Variants in LINGO2 observed in about 807,000 individuals in gnomAD.
The protein encoded by LINGO2 is leucine rich repeat and Ig domain containing 2.
A neutral mutation model predicts 30.6 loss-of-function variants in LINGO2; 14 were observed. The observed-to-expected ratio is 0.46, with a 90% CI of 0.30 to 0.72. The LOEUF is 0.72. Ranked by LOEUF, LINGO2 falls within the 30% of genes least tolerant of loss-of-function variation. The pLI is 0.07. For missense variants in LINGO2, 729 were observed against 751.7 expected, an observed-to-expected ratio of 0.97 and a Z score of 0.35; for synonymous variants, 317 against 288.5, an observed-to-expected ratio of 1.10 and a Z score of -1.00.
chr9:28,237,844 A>G (rs550833374), intron 4 of LINGO2, among the ~76,000 whole-genome samples: 23 of 152,184 alleles, frequency 1.5e-4, no homozygotes, highest in Admixed American at 7.2e-4. Context: ...ACAGAGTGAG[A>G]CTCTGTCAAA....
chr9:29,179,851 T>C, the LINGO2 span, among the ~76,000 whole-genome samples: 1 of 152,206 alleles, frequency 6.6e-6, no homozygotes, highest in Non-Finnish European at 1.5e-5. Flanking sequence ...AGTTGGCCCT[T>C]GGCAAAACTC....
At chr9:29,117,146 C>T in the LINGO2 span, among the ~76,000 whole-genome samples, 2 of 152,090 alleles carry the variant, frequency 1.3e-5, no homozygotes, top group African/African-American at 2.4e-5. Flanking sequence ...TCTCTGGAAG[C>T]ATTTTGTAAT....
the LINGO2 span, among the ~76,000 whole-genome samples, chr9:28,932,497 T>C: frequency 6.6e-6 from 1 of 152,220 alleles, no homozygotes; most frequent in Non-Finnish European, 1.5e-5. Flanking sequence ...TAAGACACTA[T>C]GCTAAGCGTG....
At chr9:28,450,780 T>A (rs560927878) in intron 2 of LINGO2, among the ~76,000 whole-genome samples, 24 of 152,188 alleles carry the variant, frequency 1.6e-4, no homozygotes, top group Non-Finnish European at 2.8e-4. Context: ...CATGACTTTT[T>A]AAATGTATAT....
At chr9:29,084,308 A>C in the LINGO2 span, among the ~76,000 whole-genome samples, 1 of 152,114 alleles carries the variant, frequency 6.6e-6, no homozygotes, top group Non-Finnish European at 1.5e-5. Flanking sequence ...AAAAAGAGTA[A>C]GGATATTTTG....
chr9:28,783,015 A>T, the LINGO2 span, among the ~76,000 whole-genome samples: 1 of 152,222 alleles, frequency 6.6e-6, no homozygotes, highest in Non-Finnish European at 1.5e-5. Flanking sequence ...GTATCTATAC[A>T]TATCTAAATG....
At chr9:28,651,519 C>T (rs1828101586) in intron 1 of LINGO2, among the ~76,000 whole-genome samples, 2 of 152,068 alleles carry the variant, frequency 1.3e-5, no homozygotes, top group Admixed American at 6.6e-5. Context: ...GGAAGCCAGC[C>T]ACCATGTCCA....
intron 4 of LINGO2, among the ~76,000 whole-genome samples, chr9:28,090,107 C>G (rs970463557): frequency 6.6e-6 from 1 of 151,966 alleles, no homozygotes; most frequent in Non-Finnish European, 1.5e-5. Flanking sequence ...GGACCAGATG[C>G]ATTCACAGCC....
chr9:28,467,478 ATTC>A (rs1438148262), intron 2 of LINGO2, among the ~76,000 whole-genome samples: 1 of 152,180 alleles, frequency 6.6e-6, no homozygotes, highest in Non-Finnish European at 1.5e-5. Flanking sequence ...AGTCATTGGA[ATTC>A]TTCTTTGTTA....
the LINGO2 span, among the ~76,000 whole-genome samples, chr9:28,848,281 C>T: frequency 2.3e-5 from 2 of 87,382 alleles, no homozygotes; most frequent in African/African-American, 1.3e-4. Context: ...ACTATATATA[C>T]ACTATGCATA....
Position 28,107,178 on chromosome 9 carries a change from T to C in LINGO2, c.-86-94773A>G, listed in dbSNP as rs193222117. 1.4e-3 allele frequency among the ~76,000 whole-genome samples: 214 copies of C among 152,274 alleles called. 3 individuals carry two copies. The highest frequency in any genetic ancestry group is 0.012 in the Admixed American group (182 of 15,286). On this transcript the variant is annotated intron_variant, in intron 4 of 5. Coordinates refer to ENST00000379992, the Ensembl canonical transcript of LINGO2. ...TCTCTTGCACAACATTTAACAGAAGTATGTCTTTAGATTTATTTTGTATGA... is the reference window on the plus strand; with the variant it reads ...TCTCTTGCACAACATTTAACAGAAGCATGTCTTTAGATTTATTTTGTATGA...
intron 4 of LINGO2, among the ~76,000 whole-genome samples, chr9:28,052,049 T>TA (rs1824702007): frequency 6.6e-6 from 1 of 152,086 alleles, no homozygotes; most frequent in African/African-American, 2.4e-5. Flanking sequence ...TCTGCGTTCT[T>TA]ATCACTTTGA....
intron 1 of LINGO2, among the ~76,000 whole-genome samples, chr9:28,498,549 G>A (rs1819752438): frequency 1.3e-5 from 2 of 152,122 alleles, no homozygotes; most frequent in Non-Finnish European, 2.9e-5. Flanking sequence ...TCCAGGTGCT[G>A]TCTTTCACAG....
At chr9:28,297,783 AG>A (rs1823978966) in intron 3 of LINGO2, among the ~76,000 whole-genome samples, 1 of 152,210 alleles carries the variant, frequency 6.6e-6, no homozygotes, top group Non-Finnish European at 1.5e-5. Context: ...CCAACCAATT[AG>A]GTTTTGATAG....
chr9:28,175,012 T>G (rs916762034), intron 4 of LINGO2, among the ~76,000 whole-genome samples: 2 of 151,900 alleles, frequency 1.3e-5, no homozygotes, highest in African/African-American at 4.8e-5. Context: ...AAGTATTGTA[T>G]AAGGGTAACT....
At chr9:28,243,660 G>T (rs936392085) in intron 4 of LINGO2, among the ~76,000 whole-genome samples, 24 of 151,846 alleles carry the variant, frequency 1.6e-4, no homozygotes, top group African/African-American at 5.8e-4. Context: ...AAAAAAACGG[G>T]TTGGATTCCT....
At chr9:28,509,657 A>C (rs1564253361) in intron 1 of LINGO2, among the ~76,000 whole-genome samples, 1 of 152,174 alleles carries the variant, frequency 6.6e-6, no homozygotes, top group East Asian at 1.9e-4. Context: ...CCTCAACCTA[A>C]TAGTACTTAC....
intron 1 of LINGO2, among the ~76,000 whole-genome samples, chr9:28,567,619 T>C (rs1823449480): frequency 2.0e-5 from 3 of 151,994 alleles, no homozygotes; most frequent in Admixed American, 6.6e-5. Context: ...CATAAAGATG[T>C]AAATAATAGA....
chr9:28,898,615 C>A, the LINGO2 span, among the ~76,000 whole-genome samples: 1 of 151,870 alleles, frequency 6.6e-6, no homozygotes, highest in South Asian at 2.1e-4. Context: ...TTAGAAAACG[C>A]TAAATTTGAT....
Sources: allele counts gnomAD v4.1 joint callset (sites outside exome capture counted in the v4.1 genomes callset), GRCh38; gene constraint gnomAD v4.1.1; transcripts MANE v1.5; gene names NCBI Gene and HGNC (gene_info 2026-07-23, HGNC 2026-07-21).